PAIP2: variants seen among roughly 807,000 people sequenced by gnomAD.
PAIP2 encodes polyadenylate-binding protein-interacting protein 2.
A neutral mutation model predicts 14.8 loss-of-function variants in PAIP2; 7 were observed. The ratio of observed to expected loss-of-function variants is 0.47; its 90% CI spans 0.27 to 0.89. PAIP2 has a LOEUF of 0.89. Ranked by LOEUF, PAIP2 falls within the 40% of genes least tolerant of loss-of-function variation. PAIP2 has a pLI of 0.13. For synonymous variants in PAIP2, 47 were observed against 45.3 expected (o/e 1.04, Z -0.15); for missense variants, 122 against 154.7 (o/e 0.79, Z 1.12).
intron 1 of PAIP2, chr5:139,342,372 C>A (rs1473147628): frequency 1.3e-5 from 2 of 152,126 alleles, no homozygotes; most frequent in Non-Finnish European, 2.9e-5. Flanking sequence ...CTTATTGTTT[C>A]TACCCACTTT....
At chr5:139,344,082 C>T (rs1756465146) in intron 1 of PAIP2, among the ~76,000 whole-genome samples, 1 of 152,170 alleles carries the variant, frequency 6.6e-6, no homozygotes, top group Admixed American at 6.6e-5. Flanking sequence ...AGGCATTGTT[C>T]TCATTGCCTT....
chr5:139,345,719 C>G (rs972113950), intron 1 of PAIP2, among the ~76,000 whole-genome samples: 31 of 151,746 alleles, frequency 2.0e-4, no homozygotes, highest in African/African-American at 6.8e-4. Flanking sequence ...GCTCCACCTC[C>G]CGGGTTCATG....
intron 1 of PAIP2, among the ~76,000 whole-genome samples, chr5:139,359,785 C>T (rs1197400899): frequency 2.6e-5 from 4 of 151,364 alleles, no homozygotes; most frequent in Middle Eastern, 3.4e-3. Context: ...GCCGGGCCAA[C>T]GTGGTGAAAC....
At chr5:139,350,092 T>C (rs961024980) in intron 1 of PAIP2, among the ~76,000 whole-genome samples, 5 of 151,502 alleles carry the variant, frequency 3.3e-5, no homozygotes, top group Non-Finnish European at 5.9e-5. Context: ...GGAGAATTGC[T>C]TGAACCCTGG....
intron 1 of PAIP2, among the ~76,000 whole-genome samples, chr5:139,354,294 T>C (rs1189449526): frequency 6.6e-6 from 1 of 152,174 alleles, no homozygotes; most frequent in Admixed American, 6.6e-5. Flanking sequence ...TTTTGCCAGA[T>C]AAAGAATTCT....
chr5:139,363,056 C>T (rs1448725732), intron 1 of PAIP2, among the ~76,000 whole-genome samples: 4 of 152,090 alleles, frequency 2.6e-5, no homozygotes, highest in Non-Finnish European at 2.9e-5. Context: ...GCCTGGCCAA[C>T]GTGGCGAAAC....
rs1382443969 is a variant in PAIP2 at position 139,363,937 on chromosome 5, C to T, written c.138+15C>T. On this transcript the variant is annotated intron_variant, in intron 2 of 3. Transcript: ENST00000265192. ...TCAACAGACAAGTTAGTTTTTTGTA[C>T]AAACATGTTTTTATAGTCCATTCTG... 6.2e-7 allele frequency: 1 copy of T among 1,610,142 alleles called. No individual in the cohort carries two copies. The highest frequency in any genetic ancestry group is 8.5e-7 in the Non-Finnish European group (1 of 1,176,716).
intron 2 of PAIP2, 32 bp from the exon 3 acceptor site, chr5:139,364,532 G>A: frequency 7.7e-7 from 1 of 1,306,394 alleles, no homozygotes; most frequent in Non-Finnish European, 1.1e-6. Context: ...TCTACCAAGT[G>A]TGCTATAAAT....
chr5:139,359,708 G>A (rs1385428559), intron 1 of PAIP2, among the ~76,000 whole-genome samples: 1 of 151,604 alleles, frequency 6.6e-6, no homozygotes, highest in Non-Finnish European at 1.5e-5. Context: ...GGTGGCTCAT[G>A]CCTGTAATCC....
At chr5:139,359,763 C>T (rs557164774) in intron 1 of PAIP2, among the ~76,000 whole-genome samples, 5 of 151,308 alleles carry the variant, frequency 3.3e-5, no homozygotes, top group East Asian at 4.1e-4. Flanking sequence ...TGAGGTCAGG[C>T]GTTTGAGGCC....
At chr5:139,355,166 C>CTTT (rs758442291) in intron 1 of PAIP2, among the ~76,000 whole-genome samples, 49 of 118,732 alleles carry the variant, frequency 4.1e-4, no homozygotes, top group Admixed American at 8.5e-4. Flanking sequence ...TTGTCTCTCT[C>CTTT]TTTTTTTTTT....
At chr5:139,358,934 T>C (rs529196449) in intron 1 of PAIP2, among the ~76,000 whole-genome samples, 1 of 152,260 alleles carries the variant, frequency 6.6e-6, no homozygotes, top group Non-Finnish European at 1.5e-5. Context: ...TGGAATTAGG[T>C]AATGGTGGTG....
At chr5:139,344,569 T>G in intron 1 of PAIP2, among the ~76,000 whole-genome samples, 1 of 152,214 alleles carries the variant, frequency 6.6e-6, no homozygotes, top group Non-Finnish European at 1.5e-5. Flanking sequence ...GAACTAAATT[T>G]TAATTAAATA....
At chr5:139,352,510 T>TTTTTTG (rs1249557511) in intron 1 of PAIP2, among the ~76,000 whole-genome samples, 5 of 148,902 alleles carry the variant, frequency 3.4e-5, no homozygotes, top group Admixed American at 6.7e-5. Context: ...TTGTTTTTTT[T>TTTTTTG]TTTTGAGATG....
Position 139,368,799 on chromosome 5 carries a change from G to A in PAIP2, c.*1G>A, listed in dbSNP as rs1757466702. On this transcript the variant is annotated 3_prime_UTR_variant, in exon 4 of 4. Coordinates refer to ENST00000265192, the MANE Select transcript of PAIP2 (RefSeq NM_016480.5). ...TGGGGTGAAGTACGGAAATATTTGA[G>A]TAGACGGGGCCCTCTTTTGGTGGAT... is the stretch of plus-strand genomic sequence containing the variant. The A allele has an allele frequency of 6.2e-7, 1 of 1,606,660 alleles. No homozygotes were observed. The highest frequency in any genetic ancestry group is 8.5e-7 in the Non-Finnish European group (1 of 1,173,322).
At chr5:139,366,321 G>A (rs935411297) in intron 3 of PAIP2, among the ~76,000 whole-genome samples, 2 of 151,774 alleles carry the variant, frequency 1.3e-5, no homozygotes, top group Non-Finnish European at 2.9e-5. Flanking sequence ...TACCTATGAA[G>A]CATTAAATAC....
intron 3 of PAIP2, 105 bp from the exon 4 acceptor site, chr5:139,368,627 CT>C (rs1204163094): frequency 1.3e-6 from 1 of 771,108 alleles, no homozygotes; most frequent in East Asian, 2.5e-5. Context: ...AGACTGAGTT[CT>C]TTTGTCTTTT....
intron 3 of PAIP2, among the ~76,000 whole-genome samples, chr5:139,365,471 C>T (rs1757197868): frequency 6.6e-6 from 1 of 150,836 alleles, no homozygotes. Context: ...GCCTGGGCAA[C>T]AGAGTGAGAC....
chr5:139,369,092 T>G lies in PAIP2; in HGVS notation c.*294T>G, dbSNP rs1757486594. 2 of 232,708 alleles carry G rather than the reference T, an allele frequency of 8.6e-6. No homozygotes were observed. Among genetic ancestry groups the G allele is most frequent in the Admixed American group, 5.6e-5 (1 of 17,808 alleles). The allele number at this position is 232,708 out of a possible 1,614,324, so 14.4% of individuals were successfully genotyped here. A position where few individuals can be genotyped will look rare whatever the true frequency, so the allele number is the denominator to read the frequency against. ...TTAAAAGACCTAAACCTTACCAAAT[T>G]GTCTTTTTTTGAGGCTAATCTATCA... On this transcript the variant is annotated 3_prime_UTR_variant, in exon 4 of 4. Coordinates refer to ENST00000265192, the MANE Select transcript of PAIP2 (RefSeq NM_016480.5).
Sources: allele counts gnomAD v4.1 joint callset (sites outside exome capture counted in the v4.1 genomes callset), GRCh38; gene constraint gnomAD v4.1.1; transcripts MANE v1.5; gene names NCBI Gene and HGNC (gene_info 2026-07-23, HGNC 2026-07-21).